SRGAP2: variants seen among roughly 807,000 people sequenced by gnomAD.
SRGAP2 encodes the protein SLIT-ROBO Rho GTPase-activating protein 2.
Under a neutral mutation model 57.2 loss-of-function variants are expected in SRGAP2, and 15 were observed. The ratio of observed to expected loss-of-function variants is 0.26; its 90% CI spans 0.18 to 0.40. The LOEUF is 0.40. SRGAP2 is among the 10% of genes least tolerant of loss of function. The probability of loss-of-function intolerance (pLI) is 1.00; values close to 1 mark genes in which losing one functional copy is unlikely to be tolerated. For missense variants in SRGAP2, 520 were observed against 669.6 expected (o/e 0.78, Z 2.47); for synonymous variants, 249 against 248.0 (o/e 1.00, Z -0.04).
At chr1:206,260,089 C>T (rs541001580) in intron 2 of SRGAP2, among the ~76,000 whole-genome samples, 20 of 69,878 alleles carry the variant, frequency 2.9e-4, no homozygotes, top group African/African-American at 8.9e-4. Context: ...TACTGTCACA[C>T]CTCTGTTGTT....
Position 206,320,841 on chromosome 1 carries a change from CAT to C in SRGAP2, c.260+17371_260+17372del, listed in dbSNP as rs1673409210. Among the ~76,000 whole-genome samples, 7 of 152,172 alleles carry C rather than the reference CAT, an allele frequency of 4.6e-5. No individual in the cohort carries two copies. In the South Asian group the frequency reaches 1.5e-3, roughly 32 times the overall value. On this transcript the variant is annotated intron_variant, in intron 3 of 22. Coordinates refer to ENST00000573034, the MANE Select transcript of SRGAP2 (RefSeq NM_015326.5). Reference sequence around the variant, plus strand: ...CCTTTTCATACCCAATTCTCACACACATATTTTGTTTTTCTGAAACACTTGAG... The same window carrying C: ...CCTTTTCATACCCAATTCTCACACACATTTTGTTTTTCTGAAACACTTGAG...
chr1:206,373,122 G>C, intron 4 of SRGAP2, among the ~76,000 whole-genome samples: 1 of 90,404 alleles, frequency 1.1e-5, no homozygotes, highest in East Asian at 3.1e-4. Flanking sequence ...TTTTTTCTGA[G>C]TCTTGCTCTG....
chr1:206,442,977 A>C (rs1430413090), intron 17 of SRGAP2, among the ~76,000 whole-genome samples: 9 of 152,192 alleles, frequency 5.9e-5, no homozygotes, highest in African/African-American at 1.9e-4. Flanking sequence ...ATCTCAAGGA[A>C]CCAAAAAAGC....
At chr1:206,437,701 TAGGGAATGTCCCTGAGCCAGGCTGG>T in intron 15 of SRGAP2, 1 of 438,014 alleles carries the variant, frequency 2.3e-6, no homozygotes, top group Non-Finnish European at 4.1e-6. Context: ...CCTCAGCCCA[TAGGGAATGTCCCTGAGCCAGGCTGG>T]CACAAGAGAG....
intron 5 of SRGAP2, among the ~76,000 whole-genome samples, chr1:206,389,323 C>T (rs1572026043): frequency 2.6e-5 from 4 of 151,172 alleles, no homozygotes; most frequent in South Asian, 2.1e-4. Context: ...TACAGGCACC[C>T]GCCACCACGC....
intron 2 of SRGAP2, among the ~76,000 whole-genome samples, chr1:206,263,182 A>G (rs1669673204): frequency 7.0e-6 from 1 of 142,020 alleles, no homozygotes; most frequent in Non-Finnish European, 1.5e-5. Context: ...CTTGTTTAGT[A>G]CATCTGCTGT....
intron 14 of SRGAP2, among the ~76,000 whole-genome samples, chr1:206,435,090 C>G (rs893932000): frequency 1.3e-5 from 2 of 152,198 alleles, no homozygotes; most frequent in African/African-American, 4.8e-5. Flanking sequence ...GCCTGCCACT[C>G]TGTGAGGAAT....
chr1:206,435,054 A>C (rs564884644), intron 14 of SRGAP2, among the ~76,000 whole-genome samples: 1 of 152,202 alleles, frequency 6.6e-6, no homozygotes, highest in Non-Finnish European at 1.5e-5. Context: ...GTCCTATTAC[A>C]CTGGTACTAA....
intron 22 of SRGAP2, among the ~76,000 whole-genome samples, 159 bp downstream of exon 22, chr1:206,459,106 C>T (rs1200187497): frequency 6.6e-6 from 1 of 152,186 alleles, no homozygotes; most frequent in African/African-American, 2.4e-5. Flanking sequence ...AATAAGACAG[C>T]TTAATAAGTG....
intron 2 of SRGAP2, among the ~76,000 whole-genome samples, chr1:206,260,460 C>T (rs1191136015): frequency 6.6e-6 from 1 of 152,074 alleles, no homozygotes; most frequent in East Asian, 1.9e-4. Context: ...ACCCCTGCTC[C>T]TTATTGTGGG....
At chr1:206,222,681 A>C (rs1667073271) in intron 2 of SRGAP2, among the ~76,000 whole-genome samples, 1 of 150,020 alleles carries the variant, frequency 6.7e-6, no homozygotes, top group African/African-American at 2.5e-5. Flanking sequence ...AAAAAAAAAA[A>C]GATGGAGGTA....
chr1:206,240,512 A>G (rs1668156643), intron 2 of SRGAP2, among the ~76,000 whole-genome samples: 1 of 152,150 alleles, frequency 6.6e-6, no homozygotes, highest in African/African-American at 2.4e-5. Context: ...AAGCAAGCAG[A>G]ATTTGTTCAC....
rs781868726 is a variant in SRGAP2, at chr1:206,203,885, TG to T, written c.-543+238del. 1,792 of 1,444,448 alleles carry T rather than the reference TG, an allele frequency of 1.2e-3. 2 individuals carry two copies. The highest frequency in any genetic ancestry group is 1.5e-3 in the Non-Finnish European group (1,663 of 1,091,874). The allele number at this position is 1,444,448 out of a possible 1,614,324, so 89.5% of individuals were successfully genotyped here. A position where few individuals can be genotyped will look rare whatever the true frequency, so the allele number is the denominator to read the frequency against. ...TCTCTCCGCCCATCACTGTACAGCC[TG>T]GGACTCCGTCCTGGCTCACGGACCG... On this transcript the variant is annotated intron_variant, in intron 1 of 22. Transcript: ENST00000573034.
chr1:206,425,426 AATTATT>A (rs1265839842), intron 13 of SRGAP2, among the ~76,000 whole-genome samples: 64 of 152,286 alleles, frequency 4.2e-4, no homozygotes, highest in African/African-American at 1.4e-3. Context: ...ATATCCAATA[AATTATT>A]ATTAACTATT....
intron 2 of SRGAP2, among the ~76,000 whole-genome samples, chr1:206,249,669 C>T (rs1553310801): frequency 6.6e-6 from 1 of 151,038 alleles, no homozygotes; most frequent in African/African-American, 2.4e-5. Flanking sequence ...GGGCAGCAAA[C>T]CACCATGGCA....
At chr1:206,259,468 C>G (rs1433753316) in intron 2 of SRGAP2, among the ~76,000 whole-genome samples, 1 of 151,674 alleles carries the variant, frequency 6.6e-6, no homozygotes, top group Non-Finnish European at 1.5e-5. Context: ...TCCCAAGTAA[C>G]TGGGACCACA....
intron 2 of SRGAP2, among the ~76,000 whole-genome samples, chr1:206,266,724 G>A (rs1553314599): frequency 6.7e-6 from 1 of 150,070 alleles, no homozygotes; most frequent in Non-Finnish European, 1.5e-5. Flanking sequence ...TTCATTGGAG[G>A]TCTTCTTCTG....
At chr1:206,247,305 C>T (rs1398792812) in intron 2 of SRGAP2, among the ~76,000 whole-genome samples, 1 of 151,720 alleles carries the variant, frequency 6.6e-6, no homozygotes, top group African/African-American at 2.4e-5. Context: ...TTATTAAACA[C>T]TTGAATATAG....
intron 3 of SRGAP2, among the ~76,000 whole-genome samples, chr1:206,309,459 A>T (rs575860984): frequency 0.018 from 2,590 of 147,566 alleles, 64 homozygotes; most frequent in African/African-American, 0.062. Flanking sequence ...CACACAAAGT[A>T]AGAGCAAAAA....
Sources: gnomAD v4.1 joint callset for allele counts (sites outside exome capture counted in the v4.1 genomes callset) on GRCh38, gnomAD v4.1.1 for gene constraint, MANE v1.5 for transcripts, NCBI Gene and HGNC (gene_info 2026-07-23, HGNC 2026-07-21) for gene names.